The following LRRFIP2 variants were observed in gnomAD, a reference collection of about 807,000 sequenced individuals.
LRRFIP2 encodes LRR binding FLII interacting protein 2, also known as leucine-rich repeat flightless-interacting protein 2.
LRRFIP2 carries 109 observed loss-of-function variants against 125.9 expected under a neutral mutation model. The ratio of observed to expected loss-of-function variants is 0.87; its 90% CI spans 0.74 to 1.01. The LOEUF (loss-of-function observed/expected upper bound fraction) is 1.01, where lower values mean the gene tolerates loss of function less well. Among genes scored for constraint, LRRFIP2 ranks in the 50% least tolerant of loss-of-function variants. The pLI is 0.00. For missense variants in LRRFIP2, 850 were observed against 862.3 expected, an observed-to-expected ratio of 0.99 and a Z score of 0.18; for synonymous variants, 291 against 293.1, an observed-to-expected ratio of 0.99 and a Z score of 0.07.
chr3:37,165,930 G>A (rs930544061), intron 1 of LRRFIP2, among the ~76,000 whole-genome samples: 3 of 152,092 alleles, frequency 2.0e-5, no homozygotes, highest in Non-Finnish European at 2.9e-5. Context: ...CATAAAACTC[G>A]TAGGAGAAAA....
Position 37,065,954 on chromosome 3 carries a change from A to C in LRRFIP2, c.1567-12T>G. On this transcript the variant is annotated splice_polypyrimidine_tract_variant and intron_variant, in intron 22 of 27. Coordinates refer to ENST00000336686, the MANE Select transcript of LRRFIP2 (RefSeq NM_006309.4). ...ACTAAGCCATGTTTCTGCAGGGGGG[A>C]AAAACCCACCATCACAAAAGGCCCG... The C allele has an allele frequency of 1.2e-6, 2 of 1,613,930 alleles. No individual in the cohort carries two copies. The highest frequency in any genetic ancestry group is 1.7e-4 in the Middle Eastern group (1 of 6,060).
At chr3:37,063,595 TA>T (rs1291812623) in intron 24 of LRRFIP2, 146 bp downstream of exon 24, 2 of 683,226 alleles carry the variant, frequency 2.9e-6, no homozygotes, top group African/African-American at 3.6e-5. Flanking sequence ...AACAAAGAGG[TA>T]AAATATGAAT....
At chr3:37,121,804 G>T in intron 4 of LRRFIP2, 113 bp from the exon 5 acceptor site, 1 of 974,702 alleles carries the variant, frequency 1.0e-6, no homozygotes, top group Non-Finnish European at 1.6e-6. Flanking sequence ...CTGAGAGCAG[G>T]CAGGTTTGGA....
intron 4 of LRRFIP2, among the ~76,000 whole-genome samples, chr3:37,125,282 C>T (rs1310797160): frequency 6.6e-6 from 1 of 152,072 alleles, no homozygotes; most frequent in Non-Finnish European, 1.5e-5. Context: ...CTTCAAAAAC[C>T]GTATTTACTC....
intron 21 of LRRFIP2, among the ~76,000 whole-genome samples, chr3:37,069,354 A>T (rs2090746682): frequency 6.6e-6 from 1 of 152,228 alleles, no homozygotes; most frequent in Non-Finnish European, 1.5e-5. Flanking sequence ...TCAACAGAAG[A>T]ATGTGGTATA....
At chr3:37,125,595 C>T (rs922033172) in intron 4 of LRRFIP2, among the ~76,000 whole-genome samples, 6 of 152,140 alleles carry the variant, frequency 3.9e-5, no homozygotes, top group African/African-American at 1.4e-4. Context: ...GAAATAAAAA[C>T]CTATGTAAAA....
At chr3:37,165,997 CA>C (rs1301163344) in intron 1 of LRRFIP2, among the ~76,000 whole-genome samples, 8 of 151,994 alleles carry the variant, frequency 5.3e-5, no homozygotes, top group Non-Finnish European at 4.4e-5. Context: ...GACATAATAC[CA>C]AAAGCAGAAG....
chr3:37,174,506 T>C (rs1277801092), intron 1 of LRRFIP2, 33 bp downstream of exon 1: 3 of 152,202 alleles, frequency 2.0e-5, no homozygotes, highest in Non-Finnish European at 4.4e-5. Flanking sequence ...CTATTTTGTA[T>C]AGTGCAAATT....
At chr3:37,075,410 T>A (rs1012376675) in intron 19 of LRRFIP2, among the ~76,000 whole-genome samples, 12 of 152,112 alleles carry the variant, frequency 7.9e-5, no homozygotes, top group Non-Finnish European at 1.3e-4. Flanking sequence ...ATGACATTCA[T>A]ATACAAATAA....
intron 2 of LRRFIP2, among the ~76,000 whole-genome samples, chr3:37,138,129 G>A (rs1448817995): frequency 1.3e-5 from 2 of 152,222 alleles, no homozygotes; most frequent in Non-Finnish European, 2.9e-5. Context: ...CAAGGAACAA[G>A]TGAGGTAAAA....
intron 2 of LRRFIP2, chr3:37,135,045 T>A: frequency 1.4e-6 from 2 of 1,426,210 alleles, no homozygotes; most frequent in Non-Finnish European, 2.0e-6. Flanking sequence ...ATCCATAAAA[T>A]AGACAGACGT....
intron 2 of LRRFIP2, among the ~76,000 whole-genome samples, chr3:37,131,568 T>C (rs1009857280): frequency 6.6e-6 from 1 of 152,234 alleles, no homozygotes; most frequent in Non-Finnish European, 1.5e-5. Flanking sequence ...TGGTTTCCTC[T>C]GTCCTTGGTC....
intron 7 of LRRFIP2, 127 bp downstream of exon 7, chr3:37,114,924 TTTG>T (rs2094711590): frequency 1.5e-6 from 1 of 676,474 alleles, no homozygotes; most frequent in African/African-American, 1.8e-5. Context: ...AGCTTTTTGC[TTTG>T]TTAGTCACAC....
chr3:37,067,141 A>G (rs2090312629), intron 21 of LRRFIP2: 1 of 152,248 alleles, frequency 6.6e-6, no homozygotes, highest in African/African-American at 2.4e-5. Context: ...CCAAGGGCAG[A>G]GGCATAAATC....
chr3:37,101,312 G>A (rs1421444113), intron 15 of LRRFIP2, among the ~76,000 whole-genome samples: 1 of 151,180 alleles, frequency 6.6e-6, no homozygotes, highest in African/African-American at 2.4e-5. Context: ...AGCCAAGATC[G>A]TGCCACTGCA....
intron 25 of LRRFIP2, among the ~76,000 whole-genome samples, chr3:37,056,917 C>T (rs2087053220): frequency 6.6e-6 from 1 of 152,152 alleles, no homozygotes; most frequent in African/African-American, 2.4e-5. Flanking sequence ...TCTCACTCTC[C>T]AAACCACCTT....
intron 6 of LRRFIP2, among the ~76,000 whole-genome samples, chr3:37,119,256 T>C (rs964262874): frequency 6.6e-6 from 1 of 152,150 alleles, no homozygotes; most frequent in African/African-American, 2.4e-5. Context: ...AAAATCAACA[T>C]AATGAAATTA....
intron 1 of LRRFIP2, among the ~76,000 whole-genome samples, chr3:37,161,517 G>A (rs1356770138): frequency 5.3e-5 from 8 of 152,166 alleles, no homozygotes; most frequent in Admixed American, 5.2e-4. Context: ...CATAGGGACA[G>A]AAAGTATAAC....
At chr3:37,168,481 T>C (rs2096539886) in intron 1 of LRRFIP2, among the ~76,000 whole-genome samples, 1 of 151,862 alleles carries the variant, frequency 6.6e-6, no homozygotes, top group Non-Finnish European at 1.5e-5. Flanking sequence ...CACAAATTCA[T>C]AGAGTCAAAA....
Sources: gnomAD v4.1 joint callset for allele counts (sites outside exome capture counted in the v4.1 genomes callset) on GRCh38, gnomAD v4.1.1 for gene constraint, MANE v1.5 for transcripts, NCBI Gene and HGNC (gene_info 2026-07-23, HGNC 2026-07-21) for gene names.